Variants in SYN3 observed in about 807,000 individuals in gnomAD.
SYN3 encodes the protein synapsin III, also known as synapsin-3.
In SYN3, 35 loss-of-function variants were observed where a neutral mutation model predicts 65.8. The ratio of observed to expected loss-of-function variants is 0.53; its 90% CI spans 0.41 to 0.70. SYN3 has a LOEUF of 0.70. Among genes scored for constraint, SYN3 ranks in the 30% least tolerant of loss-of-function variants. The pLI, the probability that SYN3 is intolerant of heterozygous loss-of-function variation, is 0.00. For synonymous variants in SYN3, 270 were observed against 292.9 expected (o/e 0.92, Z 0.80); for missense variants, 680 against 749.0 (o/e 0.91, Z 1.08).
chr22:32,517,405 T>C (rs2146068145), intron 13 of SYN3, among the ~76,000 whole-genome samples: 1 of 152,346 alleles, frequency 6.6e-6, no homozygotes, highest in East Asian at 1.9e-4. Flanking sequence ...GATGTGTGTG[T>C]GAGGCCTTCT....
intron 4 of SYN3, among the ~76,000 whole-genome samples, chr22:32,919,410 A>G (rs2050275900): frequency 1.3e-5 from 2 of 152,150 alleles, no homozygotes. Flanking sequence ...GCTACTGTCT[A>G]TTTCATTCAC....
chr22:32,957,968 A>G (rs915833735), intron 3 of SYN3, among the ~76,000 whole-genome samples: 7 of 152,216 alleles, frequency 4.6e-5, no homozygotes, highest in Non-Finnish European at 1.0e-4. Context: ...TGCAAGGGAC[A>G]GTGTCAGGGA....
intron 4 of SYN3, among the ~76,000 whole-genome samples, chr22:32,929,699 C>T (rs1035311433): frequency 2.0e-5 from 3 of 152,156 alleles, no homozygotes; most frequent in Admixed American, 6.5e-5. Context: ...TTCATGTTCA[C>T]CTAGAAGCTG....
chr22:32,600,876 C>T (rs979624179), intron 6 of SYN3, among the ~76,000 whole-genome samples: 2 of 151,898 alleles, frequency 1.3e-5, no homozygotes, highest in Non-Finnish European at 2.9e-5. Flanking sequence ...CAGTAGAGAC[C>T]GGGTTTCACT....
chr22:32,779,008 C>A (rs998382774), intron 6 of SYN3, among the ~76,000 whole-genome samples: 14 of 152,190 alleles, frequency 9.2e-5, no homozygotes, highest in African/African-American at 3.1e-4. Context: ...TGGCTCAAGA[C>A]AGACATAGTC....
intron 3 of SYN3, among the ~76,000 whole-genome samples, chr22:32,957,009 G>A (rs1036589336): frequency 2.0e-5 from 3 of 152,120 alleles, no homozygotes; most frequent in Non-Finnish European, 4.4e-5. Flanking sequence ...AGTAAGCCAG[G>A]AAAATAGGGT....
At chr22:32,600,325 G>C (rs1334327742) in intron 6 of SYN3, among the ~76,000 whole-genome samples, 1 of 152,094 alleles carries the variant, frequency 6.6e-6, no homozygotes, top group Admixed American at 6.5e-5. Flanking sequence ...TGCTGCCTCT[G>C]ATCTGACAGG....
At chr22:32,679,102 G>C (rs1399410535) in intron 6 of SYN3, among the ~76,000 whole-genome samples, 1 of 137,372 alleles carries the variant, frequency 7.3e-6, no homozygotes, top group African/African-American at 2.8e-5. Context: ...ACCCAGGCTG[G>C]AGTGCAGTGG....
intron 6 of SYN3, among the ~76,000 whole-genome samples, chr22:32,772,187 G>T (rs920806965): frequency 6.6e-6 from 1 of 152,058 alleles, no homozygotes; most frequent in African/African-American, 2.4e-5. Context: ...CACAGGGGGG[G>T]AGAAAAGCAG....
chr22:32,849,836 G>C (rs750686281), intron 6 of SYN3, among the ~76,000 whole-genome samples: 13 of 152,064 alleles, frequency 8.5e-5, no homozygotes, highest in Non-Finnish European at 1.9e-4. Context: ...ATGAGACCTT[G>C]GTCAAGTCAC....
At position 32,989,858 on chromosome 22, in the gene SYN3, A is replaced by T. The variant is rs1307297415; in HGVS notation, c.312-9156T>A. Among the ~76,000 whole-genome samples, 9 of 145,032 alleles carry T rather than the reference A, an allele frequency of 6.2e-5. No individual in the cohort carries two copies. In the Admixed American group the frequency reaches 6.3e-4, roughly 10 times the overall value. ...TTCAAAAAAAAAAAAAAAAAAAGGC[A>T]TCAAACACCCACTCCCTCTACCCCT... On this transcript the variant is annotated intron_variant, in intron 2 of 13. Transcript: ENST00000358763.
At chr22:32,683,317 G>A (rs1221948025) in intron 6 of SYN3, among the ~76,000 whole-genome samples, 1 of 152,058 alleles carries the variant, frequency 6.6e-6, no homozygotes, top group Non-Finnish European at 1.5e-5. Flanking sequence ...TGGGGTAGGT[G>A]ATCAGGCTGA....
At chr22:32,981,691 TG>T (rs1435810927) in intron 2 of SYN3, among the ~76,000 whole-genome samples, 1 of 152,174 alleles carries the variant, frequency 6.6e-6, no homozygotes, top group Non-Finnish European at 1.5e-5. Context: ...TCTGAAATGA[TG>T]GCTATGCTGA....
rs73162102 is a variant in SYN3, at chr22:33,049,251, A to C, written c.-163+9041T>G. The stretch of plus-strand genomic sequence containing the variant: ...ATGTTAGCTCTAGAAAGGAAGTTAC[A>C]GATTGCCAAGTTCCACTCCTTGCCA... On this transcript the variant is annotated intron_variant, in intron 1 of 13. Coordinates refer to ENST00000358763, the MANE Select transcript of SYN3 (RefSeq NM_003490.4). Among the ~76,000 whole-genome samples the C allele has an allele frequency of 9.2e-3, 1,400 of 152,306 alleles. 14 individuals are homozygous for C. The highest frequency in any genetic ancestry group is 0.026 in the South Asian group (125 of 4,820).
At chr22:32,852,539 C>T (rs1235286624) in intron 6 of SYN3, among the ~76,000 whole-genome samples, 5 of 152,102 alleles carry the variant, frequency 3.3e-5, no homozygotes, top group Non-Finnish European at 7.4e-5. Flanking sequence ...ACAGTCTACC[C>T]TAGAGAGTCA....
chr22:32,552,082 T>C (rs78984637), intron 7 of SYN3, among the ~76,000 whole-genome samples: 1,664 of 152,228 alleles, frequency 0.011, 16 homozygotes, highest in African/African-American at 0.038. Context: ...ACCCTGCCTC[T>C]ACTAAAGACA....
intron 6 of SYN3, among the ~76,000 whole-genome samples, chr22:32,814,857 T>G (rs762727218): frequency 2.4e-4 from 36 of 152,208 alleles, no homozygotes; most frequent in Admixed American, 1.4e-3. Context: ...GAGCCATGTA[T>G]GCAATTTTGA....
At chr22:32,960,353 G>T (rs927371086) in intron 3 of SYN3, among the ~76,000 whole-genome samples, 1 of 152,156 alleles carries the variant, frequency 6.6e-6, no homozygotes, top group Non-Finnish European at 1.5e-5. Context: ...CTCCAAGGCC[G>T]GTTGAAATAA....
intron 7 of SYN3, among the ~76,000 whole-genome samples, chr22:32,564,217 AAT>A (rs2058626943): frequency 6.6e-6 from 1 of 152,176 alleles, no homozygotes; most frequent in African/African-American, 2.4e-5. Context: ...AGGGGAGCCA[AAT>A]GATAGAACCA....
Sources: allele counts gnomAD v4.1 joint callset (sites outside exome capture counted in the v4.1 genomes callset), GRCh38; gene constraint gnomAD v4.1.1; transcripts MANE v1.5; gene names NCBI Gene and HGNC (gene_info 2026-07-23, HGNC 2026-07-21).